The following NID1 variants were observed in gnomAD, a reference collection of about 807,000 sequenced individuals.
NID1 encodes the protein nidogen-1.
NID1 carries 76 observed loss-of-function variants against 130.6 expected under a neutral mutation model. The ratio of observed to expected loss-of-function variants is 0.58; its 90% CI spans 0.48 to 0.70. NID1 has a LOEUF of 0.70. Ranked by LOEUF, NID1 falls within the 30% of genes least tolerant of loss-of-function variation. The probability of loss-of-function intolerance (pLI) is 0.00; values close to 1 mark genes in which losing one functional copy is unlikely to be tolerated. For missense variants in NID1, 1,517 were observed against 1,664.8 expected (o/e 0.91, Z 1.54); for synonymous variants, 665 against 675.1 (o/e 0.98, Z 0.23).
rs946526642 is a variant in NID1 at position 236,032,659 on chromosome 1, A to G, written c.1286-7T>C. 1 of 1,613,622 alleles carries G rather than the reference A, an allele frequency of 6.2e-7. No individual in the cohort carries two copies. The highest frequency in any genetic ancestry group is 1.3e-5 in the African/African-American group (1 of 74,878). On this transcript the variant is annotated splice_region_variant and splice_polypyrimidine_tract_variant and intron_variant, in intron 5 of 19. Transcript: ENST00000264187. Reference sequence around the variant, plus strand: ...TTGACTCGCTGGGGGGAACCTGAGCAAGAAAACAAAGAAAGAATATAGAGA... The same window carrying G: ...TTGACTCGCTGGGGGGAACCTGAGCGAGAAAACAAAGAAAGAATATAGAGA...
At chr1:236,055,451 G>C (rs1005839091) in intron 1 of NID1, among the ~76,000 whole-genome samples, 1 of 151,906 alleles carries the variant, frequency 6.6e-6, no homozygotes, top group African/African-American at 2.4e-5. Context: ...TTATATTTTT[G>C]AGTATATTTG....
At chr1:236,030,498 T>C (rs145236873) in intron 6 of NID1, among the ~76,000 whole-genome samples, 62 of 152,314 alleles carry the variant, frequency 4.1e-4, no homozygotes, top group Non-Finnish European at 7.3e-4. Context: ...TATTTCATGG[T>C]ATGTGAAAAT....
chr1:236,052,591 T>C (rs1420582337), intron 1 of NID1, among the ~76,000 whole-genome samples: 1 of 152,192 alleles, frequency 6.6e-6, no homozygotes, highest in Non-Finnish European at 1.5e-5. Flanking sequence ...TGTTTTGTTA[T>C]AACGTTGATG....
rs113919177 is a variant in NID1, at chr1:236,029,549, C to G, written c.1738+1G>C. 1.9e-6 allele frequency: 3 copies of G among 1,555,492 alleles called. No homozygotes were observed. Reference sequence around the variant, plus strand: ...GGCCCTGGGACACAGCTGGGGCTCACCTGAGGTGGAGTAGTGGTACAGCTC... The same window carrying G: ...GGCCCTGGGACACAGCTGGGGCTCAGCTGAGGTGGAGTAGTGGTACAGCTC... On this transcript the variant is annotated splice_donor_variant, in intron 7 of 19. Coordinates refer to ENST00000264187, the MANE Select transcript of NID1 (RefSeq NM_002508.3). LOFTEE classifies it high-confidence loss of function.
chr1:235,992,456 C>G (rs1657782796), intron 13 of NID1, among the ~76,000 whole-genome samples: 1 of 152,218 alleles, frequency 6.6e-6, no homozygotes, highest in African/African-American at 2.4e-5. Flanking sequence ...CTGCTCCAAA[C>G]CCATCCCAGG....
chr1:235,985,322 G>A (rs1657544821), intron 15 of NID1, 57 bp downstream of exon 15: 3 of 1,600,880 alleles, frequency 1.9e-6, no homozygotes, highest in African/African-American at 1.3e-5. Context: ...GGCATACATG[G>A]CCACTTTGGC....
intron 14 of NID1, among the ~76,000 whole-genome samples, chr1:235,988,507 A>G (rs1462620130): frequency 6.6e-6 from 1 of 152,244 alleles, no homozygotes; most frequent in Non-Finnish European, 1.5e-5. Flanking sequence ...TTACTGTATG[A>G]TCCAGCAATT....
chr1:236,038,670 T>A (rs971027674), intron 4 of NID1, among the ~76,000 whole-genome samples: 1 of 142,284 alleles, frequency 7.0e-6, no homozygotes, highest in Non-Finnish European at 1.5e-5. Context: ...ATATATAATA[T>A]ATATTACCTA....
Position 235,979,162 on chromosome 1 carries a change from A to G in NID1, c.3510-55T>C. 1.7e-6 allele frequency: 2 copies of G among 1,145,970 alleles called. No homozygotes were observed. Among genetic ancestry groups the G allele is most frequent in the East Asian group, 2.4e-5 (1 of 42,396 alleles). The allele number at this position is 1,145,970 out of a possible 1,614,324, so 71.0% of individuals were successfully genotyped here. A position where few individuals can be genotyped will look rare whatever the true frequency, so the allele number is the denominator to read the frequency against. On this transcript the variant is annotated intron_variant, in intron 18 of 19. Coordinates refer to ENST00000264187, the MANE Select transcript of NID1 (RefSeq NM_002508.3). This position sits in a 1 kb window ranked among gnomAD's most constrained non-coding sequence, Gnocchi z 4.6. ...AACACATCTGATGGCTTGAACTTGT[A>G]TCTAAACAAGGCAGCCTCTTTGTCA...
intron 2 of NID1, among the ~76,000 whole-genome samples, chr1:236,047,703 C>T (rs980769167): frequency 1.3e-5 from 2 of 152,002 alleles, no homozygotes; most frequent in Non-Finnish European, 2.9e-5. Context: ...TTTAACCTAT[C>T]GTTTCATATT....
intron 3 of NID1, 119 bp downstream of exon 3, chr1:236,045,338 C>G (rs1357748169): frequency 1.6e-6 from 1 of 614,108 alleles, no homozygotes; most frequent in African/African-American, 1.9e-5. Flanking sequence ...AATATAAAAA[C>G]TATATGCAAA....
At chr1:235,993,043 G>A (rs1268656858) in intron 13 of NID1, among the ~76,000 whole-genome samples, 2 of 151,656 alleles carry the variant, frequency 1.3e-5, no homozygotes, top group Non-Finnish European at 2.9e-5. Flanking sequence ...CCCCAGGACA[G>A]CAGCTTCCCA....
At chr1:236,002,012 G>A (rs1446920386) in intron 12 of NID1, among the ~76,000 whole-genome samples, 1 of 152,218 alleles carries the variant, frequency 6.6e-6, no homozygotes, top group African/African-American at 2.4e-5. Flanking sequence ...TAAGCATTTA[G>A]TGAAAGCTGC....
intron 6 of NID1, among the ~76,000 whole-genome samples, chr1:236,032,015 A>C (rs1228955480): frequency 6.6e-6 from 1 of 152,144 alleles, no homozygotes; most frequent in African/African-American, 2.4e-5. Flanking sequence ...ATTCAGAGGC[A>C]GGCTTGAGAT....
chr1:236,022,508 T>TTTTTGCATTTTAGTAGAGACGGGG (rs1184212045), intron 9 of NID1, among the ~76,000 whole-genome samples: 1 of 151,316 alleles, frequency 6.6e-6, no homozygotes, highest in East Asian at 2.0e-4. Flanking sequence ...GCTTGGCTAA[T>TTTTTGCATTTTAGTAGAGACGGGG]TTTTGCATTT....
At chr1:236,043,112 T>C (rs1438340723) in intron 3 of NID1, among the ~76,000 whole-genome samples, 1 of 152,218 alleles carries the variant, frequency 6.6e-6, no homozygotes, top group African/African-American at 2.4e-5. Context: ...CCCTTACCCA[T>C]ACCTTGTCCT....
chr1:235,983,544 C>T (rs186146174), intron 15 of NID1, among the ~76,000 whole-genome samples: 44 of 152,228 alleles, frequency 2.9e-4, no homozygotes, highest in Admixed American at 1.2e-3. Context: ...CTCAGATATA[C>T]GCAAATAAAA....
intron 1 of NID1, among the ~76,000 whole-genome samples, chr1:236,060,988 C>T (rs183138206): frequency 1.5e-4 from 23 of 152,204 alleles, no homozygotes; most frequent in Middle Eastern, 6.8e-3. Flanking sequence ...TTAACTTAAA[C>T]ATAAAAAATT....
intron 12 of NID1, among the ~76,000 whole-genome samples, chr1:236,007,961 C>T (rs1301216544): frequency 6.6e-6 from 1 of 152,080 alleles, no homozygotes; most frequent in Non-Finnish European, 1.5e-5. Flanking sequence ...TAGAAAGAAA[C>T]AGATTTTACT....
Sources: allele counts gnomAD v4.1 joint callset (sites outside exome capture counted in the v4.1 genomes callset), GRCh38; gene constraint gnomAD v4.1.1; non-coding constraint Gnocchi (gnomAD v3.1); transcripts MANE v1.5; gene names NCBI Gene and HGNC (gene_info 2026-07-23, HGNC 2026-07-21).